The following GALNTL6 variants were observed in gnomAD, a reference collection of about 807,000 sequenced individuals.
GALNTL6 encodes polypeptide N-acetylgalactosaminyltransferase like 6.
GALNTL6 carries 46 observed loss-of-function variants against 73.7 expected under a neutral mutation model. The observed-to-expected ratio is 0.62, with a 90% CI of 0.49 to 0.80. The LOEUF is 0.80. Among genes scored for constraint, GALNTL6 ranks in the 30% least tolerant of loss-of-function variants. The pLI is 0.00. For synonymous variants in GALNTL6, 259 were observed against 263.7 expected, an observed-to-expected ratio of 0.98 and a Z score of 0.17; for missense variants, 604 against 755.0, an observed-to-expected ratio of 0.80 and a Z score of 2.34.
intron 8 of GALNTL6, among the ~76,000 whole-genome samples, chr4:172,908,250 C>T (rs967465781): frequency 4.6e-5 from 7 of 151,924 alleles, no homozygotes; most frequent in African/African-American, 1.7e-4. Flanking sequence ...GTAACTGAAA[C>T]CATGGAAAGA....
chr4:173,023,131 C>G (rs1176268863), intron 12 of GALNTL6, among the ~76,000 whole-genome samples: 1 of 152,074 alleles, frequency 6.6e-6, no homozygotes, highest in Non-Finnish European at 1.5e-5. Context: ...GTCAGTGTCC[C>G]CCCAAATTAC....
intron 2 of GALNTL6, among the ~76,000 whole-genome samples, chr4:172,109,855 C>T (rs1393598942): frequency 2.0e-5 from 3 of 152,044 alleles, no homozygotes; most frequent in African/African-American, 7.2e-5. Flanking sequence ...TAAAATGTAG[C>T]ATACAAATCT....
chr4:172,125,394 G>T (rs1733267020), intron 2 of GALNTL6, among the ~76,000 whole-genome samples: 1 of 152,108 alleles, frequency 6.6e-6, no homozygotes, highest in Admixed American at 6.5e-5. Context: ...ACATATTTCG[G>T]AATTAAACCA....
intron 5 of GALNTL6, among the ~76,000 whole-genome samples, chr4:172,598,422 T>C (rs1167189950): frequency 6.6e-6 from 1 of 152,142 alleles, no homozygotes; most frequent in Admixed American, 6.6e-5. Flanking sequence ...TAACTGCCAT[T>C]AGAAACATGT....
At chr4:172,277,636 G>A (rs1308424688) in intron 3 of GALNTL6, among the ~76,000 whole-genome samples, 1 of 152,054 alleles carries the variant, frequency 6.6e-6, no homozygotes, top group Admixed American at 6.6e-5. Flanking sequence ...AAGTCTCTTT[G>A]CATAATTTTC....
chr4:172,935,467 CT>C (rs1774031062), intron 9 of GALNTL6, among the ~76,000 whole-genome samples: 1 of 151,832 alleles, frequency 6.6e-6, no homozygotes. Flanking sequence ...ACCAAAAAAC[CT>C]TCAAAAAAAT....
chr4:172,531,641 G>T (rs1735173186), intron 5 of GALNTL6, among the ~76,000 whole-genome samples: 1 of 152,200 alleles, frequency 6.6e-6, no homozygotes, highest in African/African-American at 2.4e-5. Flanking sequence ...TGGGCAAGAG[G>T]TTTGTCCCTG....
intron 3 of GALNTL6, among the ~76,000 whole-genome samples, chr4:172,257,244 A>G (rs747898629): frequency 6.6e-6 from 1 of 151,390 alleles, no homozygotes; most frequent in Non-Finnish European, 1.5e-5. Context: ...CTCATTGGCT[A>G]TCTGAAAGAA....
chr4:172,620,706 G>A (rs1317707426), intron 5 of GALNTL6, among the ~76,000 whole-genome samples: 2 of 152,096 alleles, frequency 1.3e-5, no homozygotes, highest in African/African-American at 4.8e-5. Flanking sequence ...TAAAGACTTC[G>A]AGTGTTGCAG....
intron 2 of GALNTL6, among the ~76,000 whole-genome samples, chr4:172,106,557 C>A (rs1319372820): frequency 6.6e-6 from 1 of 151,680 alleles, no homozygotes. Context: ...AATATAGAAC[C>A]CTCTTGAGAA....
chr4:172,405,355 T>C (rs1036522865), intron 5 of GALNTL6, among the ~76,000 whole-genome samples: 1 of 146,450 alleles, frequency 6.8e-6, no homozygotes, highest in African/African-American at 2.5e-5. Context: ...ATATACTTAA[T>C]ACTCATATAT....
intron 2 of GALNTL6, among the ~76,000 whole-genome samples, chr4:172,043,202 G>A (rs1196192921): frequency 7.2e-5 from 11 of 151,938 alleles, no homozygotes; most frequent in African/African-American, 2.7e-4. Flanking sequence ...AATGCTCTCT[G>A]ACAAACTCGG....
chr4:172,523,316 C>T (rs1042268972), intron 5 of GALNTL6, among the ~76,000 whole-genome samples: 12 of 152,270 alleles, frequency 7.9e-5, no homozygotes, highest in East Asian at 3.9e-4. Context: ...TCCCCAAAGA[C>T]TGGAGGACCA....
intron 5 of GALNTL6, among the ~76,000 whole-genome samples, chr4:172,438,087 TC>T (rs1347199820): frequency 6.6e-6 from 1 of 152,128 alleles, no homozygotes; most frequent in African/African-American, 2.4e-5. Context: ...GGCCATGAAG[TC>T]ATTTCTTCCT....
chr4:172,679,791 A>G (rs1006706918), intron 5 of GALNTL6, among the ~76,000 whole-genome samples: 6 of 152,224 alleles, frequency 3.9e-5, no homozygotes, highest in African/African-American at 1.4e-4. Context: ...AGATTATACA[A>G]TTCTTAAGTG....
intron 5 of GALNTL6, among the ~76,000 whole-genome samples, chr4:172,632,335 A>G (rs1739433885): frequency 6.6e-6 from 1 of 152,184 alleles, no homozygotes; most frequent in Non-Finnish European, 1.5e-5. Flanking sequence ...GGAACGTCCT[A>G]GAGACTTTTT....
intron 2 of GALNTL6, among the ~76,000 whole-genome samples, chr4:172,043,909 G>C (rs1333305539): frequency 1.3e-5 from 2 of 151,986 alleles, no homozygotes; most frequent in African/African-American, 2.4e-5. Flanking sequence ...ATATTAAATA[G>C]AGAAATATAA....
At chr4:171,930,605 T>TG (rs1738151449) in intron 2 of GALNTL6, among the ~76,000 whole-genome samples, 1 of 151,876 alleles carries the variant, frequency 6.6e-6, no homozygotes, top group Non-Finnish European at 1.5e-5. Context: ...GAGGCCGAGG[T>TG]GGGCAGATCA....
At chr4:172,365,082 AT>A (rs1385441132) in intron 5 of GALNTL6, among the ~76,000 whole-genome samples, 2 of 152,212 alleles carry the variant, frequency 1.3e-5, no homozygotes, top group African/African-American at 4.8e-5. Flanking sequence ...AGACAGGTTT[AT>A]TTTGGAGAAT....
Sources: gnomAD v4.1 joint callset for allele counts (sites outside exome capture counted in the v4.1 genomes callset) on GRCh38, gnomAD v4.1.1 for gene constraint, MANE v1.5 for transcripts, NCBI Gene and HGNC (gene_info 2026-07-23, HGNC 2026-07-21) for gene names.